The following POM121C variants were observed in gnomAD, a reference collection of about 807,000 sequenced individuals.
The protein encoded by POM121C is nuclear envelope pore membrane protein POM 121C.
Under a neutral mutation model 66.4 loss-of-function variants are expected in POM121C, and 20 were observed. That is an observed-to-expected ratio of 0.30 (90% confidence interval 0.21 to 0.44). The LOEUF (loss-of-function observed/expected upper bound fraction) is 0.44. Ranked by LOEUF, POM121C falls within the 20% of genes least tolerant of loss-of-function variation. POM121C has a pLI of 1.00. For synonymous variants in POM121C, 286 were observed against 528.0 expected (o/e 0.54, Z 6.28); for missense variants, 580 against 1,225.7 (o/e 0.47, Z 7.87).
At chr7:75,429,264 C>T (rs1379339519) in intron 7 of POM121C, among the ~76,000 whole-genome samples, 3 of 152,132 alleles carry the variant, frequency 2.0e-5, no homozygotes, top group Non-Finnish European at 2.9e-5. Context: ...TTTCTGAATA[C>T]AAAATCAGTT....
chr7:75,470,926 G>A (rs1791850305), intron 3 of POM121C, among the ~76,000 whole-genome samples: 1 of 151,990 alleles, frequency 6.6e-6, no homozygotes. Flanking sequence ...AAGCCACCAT[G>A]CCCAGTCCAG....
rs1584643920 is a variant in POM121C, at chr7:75,421,808, G to A, written c.2444C>T (p.Thr815Ile). The A allele has an allele frequency of 6.2e-7, 1 of 1,609,042 alleles. No homozygotes were observed. The highest frequency in any genetic ancestry group is 8.5e-7 in the Non-Finnish European group (1 of 1,178,348). The change falls in exon 13 of 15, where the codon ACC becomes ATC. Residue 815 changes from threonine (T) to isoleucine (I), a missense_variant. Transcript: ENST00000615331. ...AATSSGFGAT[T>I]QTASSGSSSS... is the part of the protein sequence containing the mutation. ...GCTGCTCCCGCTGCTGGCGGTCTGG[G>A]TGGTGGCTCCAAAGCCGGAGCTGGT...
At chr7:75,432,457 A>T (rs1790219771) in intron 7 of POM121C, among the ~76,000 whole-genome samples, 1 of 152,214 alleles carries the variant, frequency 6.6e-6, no homozygotes, top group Non-Finnish European at 1.5e-5. Flanking sequence ...GTCAAACACC[A>T]AAGAATGCAT....
At position 75,442,609 on chromosome 7, in the gene POM121C, G is replaced by T. The variant is rs1396729260; in HGVS notation, c.-151-962C>A. 5.4e-5 allele frequency: 80 copies of T among 1,490,878 alleles called. 1 individual carries two copies. The highest frequency in any genetic ancestry group is 3.6e-4 in the East Asian group (13 of 36,312). 92.4% of individuals were successfully genotyped at this position (1,490,878 alleles called of 1,614,324 possible). On this transcript the variant is annotated intron_variant, in intron 3 of 14. Transcript: ENST00000615331. ...GTAGGAGGCCGACCAGCGACAGGCCGAGAAGCGCCGCCCCGGCCGGCCCGC... is the reference window on the plus strand; with the variant it reads ...GTAGGAGGCCGACCAGCGACAGGCCTAGAAGCGCCGCCCCGGCCGGCCCGC...
chr7:75,463,535 G>A (rs1338428272), intron 3 of POM121C, among the ~76,000 whole-genome samples: 1 of 150,480 alleles, frequency 6.6e-6, no homozygotes, highest in African/African-American at 2.5e-5. Context: ...GCTAACGGCA[G>A]AGAGACTTTC....
At chr7:75,459,599 C>CAA (rs1211791667) in intron 3 of POM121C, among the ~76,000 whole-genome samples, 11 of 43,834 alleles carry the variant, frequency 2.5e-4, no homozygotes, top group Admixed American at 4.5e-4. Flanking sequence ...GACTCTGTCT[C>CAA]AAAAAAAAAA....
chr7:75,439,249 A>C (rs782083998), intron 5 of POM121C, 25 bp from the exon 6 acceptor site: 1 of 1,614,076 alleles, frequency 6.2e-7, no homozygotes, highest in South Asian at 1.1e-5. Flanking sequence ...AAAAGTCTCA[A>C]ATGAAATGAC....
intron 6 of POM121C, among the ~76,000 whole-genome samples, 184 bp from the exon 7 acceptor site, chr7:75,437,870 T>A (rs1473048744): frequency 6.6e-6 from 1 of 152,216 alleles, no homozygotes; most frequent in East Asian, 1.9e-4. Context: ...TATTTAAAAC[T>A]TAAATGTATG....
At chr7:75,421,486 C>T in intron 13 of POM121C, 23 bp downstream of exon 13, 1 of 1,610,870 alleles carries the variant, frequency 6.2e-7, no homozygotes, top group Non-Finnish European at 8.5e-7. Context: ...GGCCCGGTAG[C>T]CCAAGTCCAC....
rs1167214533 is a variant in POM121C at position 75,453,917 on chromosome 7, G to A, written c.-151-12270C>T. Among the ~76,000 whole-genome samples, 5 of 152,320 alleles carry A rather than the reference G, an allele frequency of 3.3e-5. No individual in the cohort carries two copies. In the South Asian group the frequency reaches 6.2e-4, roughly 19 times the overall value. On this transcript the variant is annotated intron_variant, in intron 3 of 14. Coordinates refer to ENST00000615331, the MANE Select transcript of POM121C (RefSeq NM_001099415.3). ...CTGGAACCTGTCCATGTGGCCCCTC[G>A]CAGTCTCCCCATTTGGGCTGGTTTG... is the stretch of plus-strand genomic sequence containing the variant.
chr7:75,484,260 G>C, intron 1 of POM121C: 1 of 1,598,328 alleles, frequency 6.3e-7, no homozygotes, highest in Admixed American at 1.7e-5. Flanking sequence ...GATAGACCTA[G>C]AGGGGCAGAA....
intron 3 of POM121C, among the ~76,000 whole-genome samples, chr7:75,467,376 A>G (rs1791692706): frequency 6.6e-6 from 1 of 151,794 alleles, no homozygotes; most frequent in Non-Finnish European, 1.5e-5. Context: ...CTAAAAATAC[A>G]AAAAAATTAG....
chr7:75,429,202 T>C (rs1238541825), intron 7 of POM121C, among the ~76,000 whole-genome samples: 1 of 152,238 alleles, frequency 6.6e-6, no homozygotes, highest in Admixed American at 6.5e-5. Flanking sequence ...CTCATTATCA[T>C]AGACATGAGT....
intron 1 of POM121C, among the ~76,000 whole-genome samples, chr7:75,479,635 ATAAAT>A (rs1792235297): frequency 6.8e-6 from 1 of 147,872 alleles, no homozygotes; most frequent in South Asian, 2.1e-4. Flanking sequence ...AAATAAATAA[ATAAAT>A]AAATAAATAA....
At position 75,485,936 on chromosome 7, in the gene POM121C, C is replaced by G; in HGVS notation, c.-530G>C. ...GGCGGGCTGCTGTCGCTGGCGCGCG[C>G]GTCTGCTCGCGAGGTCCCCTCCTGT... On this transcript the variant is annotated 5_prime_UTR_variant, in exon 1 of 15. Transcript: ENST00000615331. 2.0e-6 allele frequency: 1 copy of G among 497,590 alleles called. No homozygotes were observed. Among genetic ancestry groups the G allele is most frequent in the Non-Finnish European group, 4.0e-6 (1 of 251,794 alleles). The allele number at this position is 497,590 out of a possible 1,614,324, so 30.8% of individuals were successfully genotyped here.
Position 75,486,268 on chromosome 7 carries a change from T to C in POM121C, c.-862A>G, listed in dbSNP as rs183052227. The C allele has an allele frequency of 2.8e-3, 750 of 271,960 alleles. 19 individuals carry two copies. In the Admixed American group the frequency reaches 0.037, roughly 13 times the overall value. The allele number at this position is 271,960 out of a possible 1,614,324, so 16.8% of individuals were successfully genotyped here. Reference sequence around the variant, plus strand: ...AAAGCCTGGGAACGAGAGCAAGCGATGACCTGAAGAGGCACAGGAAGCGAG... The same window carrying C: ...AAAGCCTGGGAACGAGAGCAAGCGACGACCTGAAGAGGCACAGGAAGCGAG... On this transcript the variant is annotated 5_prime_UTR_variant, in exon 1 of 15. Transcript: ENST00000615331.
intron 5 of POM121C, among the ~76,000 whole-genome samples, chr7:75,439,938 T>C (rs1162442134): frequency 2.0e-5 from 3 of 150,156 alleles, no homozygotes; most frequent in Non-Finnish European, 4.4e-5. Context: ...TAGAGTGCAC[T>C]GGCATGGTCT....
intron 5 of POM121C, chr7:75,440,708 G>A (rs1790610765): frequency 3.5e-6 from 2 of 577,782 alleles, no homozygotes; most frequent in Admixed American, 3.0e-5. Context: ...GGCTAACATG[G>A]CTAATAGCTG....
At chr7:75,421,116 G>A (rs1323986296) in intron 13 of POM121C, 2 of 328,764 alleles carry the variant, frequency 6.1e-6, no homozygotes, top group Non-Finnish European at 1.2e-5. Flanking sequence ...TGGGATTACA[G>A]GTGGGTACCA....
Sources: allele counts gnomAD v4.1 joint callset (sites outside exome capture counted in the v4.1 genomes callset), GRCh38; gene constraint gnomAD v4.1.1; transcripts MANE v1.5; gene names NCBI Gene and HGNC (gene_info 2026-07-23, HGNC 2026-07-21).